SYN3: variants seen among roughly 807,000 people sequenced by gnomAD.
SYN3 encodes the protein synapsin III.
In SYN3, 35 loss-of-function variants were observed where a neutral mutation model predicts 65.8. The ratio of observed to expected loss-of-function variants is 0.53; its 90% confidence interval spans 0.41 to 0.70. The LOEUF (loss-of-function observed/expected upper bound fraction) is 0.70. SYN3 is among the 30% of genes least tolerant of loss of function. SYN3 has a pLI of 0.00. For synonymous variants in SYN3, 270 were observed against 292.9 expected, an observed-to-expected ratio of 0.92 and a Z score of 0.80; for missense variants, 680 against 749.0, an observed-to-expected ratio of 0.91 and a Z score of 1.08.
intron 3 of SYN3, among the ~76,000 whole-genome samples, chr22:32,957,567 C>T (rs972146752): frequency 2.0e-5 from 3 of 152,166 alleles, no homozygotes; most frequent in African/African-American, 4.8e-5. Flanking sequence ...CTCTCCCCAC[C>T]GGCACAGCTT....
chr22:32,736,610 G>A (rs1376775658), intron 6 of SYN3, among the ~76,000 whole-genome samples: 1 of 151,998 alleles, frequency 6.6e-6, no homozygotes, highest in Non-Finnish European at 1.5e-5. Flanking sequence ...TAATATAATT[G>A]TCCCAAAACA....
intron 4 of SYN3, among the ~76,000 whole-genome samples, chr22:32,905,131 A>G (rs1384139945): frequency 6.6e-6 from 1 of 152,236 alleles, no homozygotes; most frequent in Admixed American, 6.5e-5. Context: ...CAAAAAAGCA[A>G]TATTTTGTAT....
intron 1 of SYN3, among the ~76,000 whole-genome samples, chr22:33,020,495 C>T (rs1375271135): frequency 6.6e-6 from 1 of 152,126 alleles, no homozygotes; most frequent in Non-Finnish European, 1.5e-5. Flanking sequence ...TACAATCACG[C>T]TATTAAAATG....
At chr22:32,965,355 G>T (rs2051797665) in intron 3 of SYN3, among the ~76,000 whole-genome samples, 1 of 152,064 alleles carries the variant, frequency 6.6e-6, no homozygotes, top group South Asian at 2.1e-4. Context: ...TTTCTCTTTA[G>T]CTTCTTTCAT....
chr22:32,809,251 C>T (rs1367226238), intron 6 of SYN3, among the ~76,000 whole-genome samples: 3 of 152,122 alleles, frequency 2.0e-5, no homozygotes, highest in Non-Finnish European at 4.4e-5. Context: ...CCTGTGTTTC[C>T]AATCAGTCTC....
chr22:32,850,107 T>C (rs577451377), intron 6 of SYN3, among the ~76,000 whole-genome samples: 3 of 149,994 alleles, frequency 2.0e-5, no homozygotes, highest in Non-Finnish European at 3.0e-5. Flanking sequence ...GCATCCTAGA[T>C]AGTTAGCAAT....
intron 6 of SYN3, among the ~76,000 whole-genome samples, chr22:32,719,414 A>G (rs746209778): frequency 2.0e-5 from 3 of 152,200 alleles, no homozygotes; most frequent in Non-Finnish European, 2.9e-5. Flanking sequence ...TCATTTGTCC[A>G]TTTGTTCATT....
intron 6 of SYN3, among the ~76,000 whole-genome samples, chr22:32,596,971 C>G (rs185954953): frequency 6.6e-6 from 1 of 152,322 alleles, no homozygotes; most frequent in Admixed American, 6.5e-5. Context: ...ACCCATCAAT[C>G]TGCAGAGACA....
chr22:32,541,309 G>A lies in SYN3; in HGVS notation c.917+262C>T, dbSNP rs555803377. Among the ~76,000 whole-genome samples, 4 of 152,350 alleles carry A rather than the reference G, an allele frequency of 2.6e-5. No individual in the cohort carries two copies. In the East Asian group the frequency reaches 5.8e-4, roughly 22 times the overall value. ...TCTCTCTCAAAGACATATATCCTGTGTGTATGTGCAGTTCCCTAGACATGC... is the reference window on the plus strand; with the variant it reads ...TCTCTCTCAAAGACATATATCCTGTATGTATGTGCAGTTCCCTAGACATGC... On this transcript the variant is annotated intron_variant, in intron 8 of 13. Coordinates refer to ENST00000358763, the MANE Select transcript of SYN3 (RefSeq NM_003490.4).
intron 2 of SYN3, among the ~76,000 whole-genome samples, chr22:32,984,117 G>A (rs1271386732): frequency 7.3e-6 from 1 of 137,288 alleles, no homozygotes; most frequent in Non-Finnish European, 1.5e-5. Context: ...AGCCAAGATT[G>A]CGCCATTGTA....
At chr22:32,884,517 A>T (rs2049236037) in intron 4 of SYN3, among the ~76,000 whole-genome samples, 2 of 152,222 alleles carry the variant, frequency 1.3e-5, no homozygotes. Flanking sequence ...ATGTTTTTCT[A>T]TGACCTTGGA....
At chr22:32,889,599 A>T (rs1459176678) in intron 4 of SYN3, among the ~76,000 whole-genome samples, 1 of 152,200 alleles carries the variant, frequency 6.6e-6, no homozygotes, top group Non-Finnish European at 1.5e-5. Context: ...TATTTTCAGT[A>T]TGTAAACAAA....
intron 6 of SYN3, among the ~76,000 whole-genome samples, chr22:32,858,926 A>G (rs944312762): frequency 6.6e-6 from 1 of 152,242 alleles, no homozygotes; most frequent in African/African-American, 2.4e-5. Flanking sequence ...TGTGACCTGC[A>G]GCAAGTTACT....
chr22:32,756,053 A>C (rs2045279298), intron 6 of SYN3, among the ~76,000 whole-genome samples: 1 of 151,056 alleles, frequency 6.6e-6, no homozygotes, highest in Admixed American at 6.6e-5. Flanking sequence ...GAGGAACATC[A>C]CACACCGGGG....
chr22:32,742,090 G>A (rs777598484), intron 6 of SYN3, among the ~76,000 whole-genome samples: 4 of 151,804 alleles, frequency 2.6e-5, no homozygotes, highest in African/African-American at 9.7e-5. Context: ...TGGCTAACAC[G>A]GTAAAACCCC....
chr22:33,028,054 G>A (rs993441620), intron 1 of SYN3, among the ~76,000 whole-genome samples: 2 of 152,180 alleles, frequency 1.3e-5, no homozygotes, highest in Non-Finnish European at 2.9e-5. Flanking sequence ...TGGTGGAGCT[G>A]GGATTCAAAC....
intron 6 of SYN3, among the ~76,000 whole-genome samples, chr22:32,644,121 G>A (rs1228174860): frequency 2.1e-5 from 3 of 142,322 alleles, no homozygotes; most frequent in East Asian, 2.1e-4. Flanking sequence ...ACTGACTGAT[G>A]ATGGGAGAAA....
At chr22:32,563,578 G>A (rs1273068777) in intron 7 of SYN3, among the ~76,000 whole-genome samples, 1 of 152,194 alleles carries the variant, frequency 6.6e-6, no homozygotes, top group Admixed American at 6.5e-5. Flanking sequence ...CTGGAGCAGT[G>A]GGTGTGAGGA....
In SYN3 at chr22:32,744,039, C is replaced by T. The variant is rs143596982; in HGVS notation, c.711+120876G>A. Among the ~76,000 whole-genome samples, 65 of 152,202 alleles carry T rather than the reference C, an allele frequency of 4.3e-4. 1 individual carries two copies. In the East Asian group the frequency reaches 0.012, roughly 29 times the overall value. ...GGAGGGATTATTCATGAGATGATGACCCCTTTCGTGCCCAGGCCACCCCTT... is the reference window on the plus strand; with the variant it reads ...GGAGGGATTATTCATGAGATGATGATCCCTTTCGTGCCCAGGCCACCCCTT... On this transcript the variant is annotated intron_variant, in intron 6 of 13. Transcript: ENST00000358763.
Sources: allele counts gnomAD v4.1 joint callset (sites outside exome capture counted in the v4.1 genomes callset), GRCh38; gene constraint gnomAD v4.1.1; transcripts MANE v1.5; gene names NCBI Gene and HGNC (gene_info 2026-07-23, HGNC 2026-07-21).